Variants in TENM2 observed in about 807,000 individuals in gnomAD.
The protein encoded by TENM2 is teneurin transmembrane protein 2, also known as teneurin-2.
A neutral mutation model predicts 245.2 loss-of-function variants in TENM2; 52 were observed. The ratio of observed to expected loss-of-function variants is 0.21; its 90% CI spans 0.17 to 0.27. The LOEUF (loss-of-function observed/expected upper bound fraction) is 0.27, where lower values mean the gene tolerates loss of function less well. Among genes scored for constraint, TENM2 ranks in the 10% least tolerant of loss-of-function variants. TENM2 has a pLI of 1.00. For synonymous variants in TENM2, 1,363 were observed against 1,438.9 expected (o/e 0.95, Z 1.19); for missense variants, 3,046 against 3,666.8 (o/e 0.83, Z 4.37).
the TENM2 span, among the ~76,000 whole-genome samples, chr5:167,244,895 G>A: frequency 6.6e-6 from 1 of 151,768 alleles, no homozygotes; most frequent in African/African-American, 2.4e-5. Flanking sequence ...AGTTTTATGA[G>A]AGCAAAAGTA....
chr5:167,112,775 T>C, the TENM2 span, among the ~76,000 whole-genome samples: 1 of 152,320 alleles, frequency 6.6e-6, no homozygotes, highest in East Asian at 1.9e-4. Flanking sequence ...ATCATGCTGC[T>C]CTTCTGAAAT....
intron 4 of TENM2, among the ~76,000 whole-genome samples, chr5:167,976,253 G>T (rs1300782532): frequency 6.6e-6 from 1 of 151,946 alleles, no homozygotes; most frequent in East Asian, 1.9e-4. Context: ...TGGGCCTTAG[G>T]ATACTGATCT....
intron 2 of TENM2, among the ~76,000 whole-genome samples, chr5:167,642,905 G>A (rs1465061894): frequency 6.6e-6 from 1 of 152,158 alleles, no homozygotes; most frequent in Non-Finnish European, 1.5e-5. Context: ...TTCTTTGGAC[G>A]AGGGTGTTGG....
At chr5:168,113,115 G>C (rs914564289) in intron 9 of TENM2, among the ~76,000 whole-genome samples, 9 of 152,208 alleles carry the variant, frequency 5.9e-5, no homozygotes, top group Non-Finnish European at 7.4e-5. Context: ...TGAGGACTTC[G>C]AGTCCAGACA....
chr5:167,325,150 A>C (rs1386584476), intron 1 of TENM2, among the ~76,000 whole-genome samples: 1 of 152,234 alleles, frequency 6.6e-6, no homozygotes, highest in Non-Finnish European at 1.5e-5. Flanking sequence ...TAAACCAATA[A>C]AATGAAATAA....
the TENM2 span, among the ~76,000 whole-genome samples, chr5:167,124,090 G>A: frequency 3.9e-5 from 6 of 152,314 alleles, no homozygotes; most frequent in Admixed American, 2.0e-4. Context: ...CTGTCATTGC[G>A]TTCAAGTGAG....
chr5:168,108,274 A>G (rs1794409655), intron 9 of TENM2, among the ~76,000 whole-genome samples: 1 of 152,244 alleles, frequency 6.6e-6, no homozygotes, highest in Non-Finnish European at 1.5e-5. Flanking sequence ...TTATTCCACA[A>G]TTTACGTGCA....
chr5:168,169,922 T>G (rs1237897466), intron 13 of TENM2, among the ~76,000 whole-genome samples: 1 of 152,186 alleles, frequency 6.6e-6, no homozygotes, highest in African/African-American at 2.4e-5. Flanking sequence ...AGTCCCTGAT[T>G]AGCTCCCAGA....
chr5:167,752,271 T>A (rs1388171227), intron 2 of TENM2, among the ~76,000 whole-genome samples: 1 of 149,216 alleles, frequency 6.7e-6, no homozygotes, highest in Non-Finnish European at 1.5e-5. Flanking sequence ...ATTTTTTTTT[T>A]TTTTTTTTTT....
chr5:167,303,537 G>A (rs1444672540), intron 1 of TENM2, among the ~76,000 whole-genome samples: 2 of 152,080 alleles, frequency 1.3e-5, no homozygotes, highest in Non-Finnish European at 2.9e-5. Context: ...ACAAGATAAT[G>A]TCATCAGTTA....
chr5:167,521,949 A>T (rs542188210), intron 2 of TENM2, among the ~76,000 whole-genome samples: 2 of 152,124 alleles, frequency 1.3e-5, no homozygotes, highest in African/African-American at 4.8e-5. Context: ...GTATCCTTTG[A>T]GTGCTGAACT....
chr5:167,923,894 G>A (rs181140721), intron 3 of TENM2, among the ~76,000 whole-genome samples: 59 of 152,112 alleles, frequency 3.9e-4, no homozygotes, highest in Admixed American at 3.9e-4. Flanking sequence ...GTGCATGTGC[G>A]TTGAAATAAA....
At chr5:167,297,856 C>T (rs1276898567) in intron 1 of TENM2, among the ~76,000 whole-genome samples, 2 of 151,872 alleles carry the variant, frequency 1.3e-5, no homozygotes, top group African/African-American at 4.8e-5. Flanking sequence ...AGTAGGGGAG[C>T]TTTTGAGCCA....
At chr5:168,035,301 AGCCTGGCCAACAT>A (rs1342187892) in intron 5 of TENM2, among the ~76,000 whole-genome samples, 1 of 152,190 alleles carries the variant, frequency 6.6e-6, no homozygotes, top group East Asian at 1.9e-4. Context: ...GTTTGAGACC[AGCCTGGCCAACAT>A]GGCGAAACCC....
chr5:167,973,161 TTAAC>T (rs1781923403), intron 4 of TENM2, among the ~76,000 whole-genome samples: 1 of 152,240 alleles, frequency 6.6e-6, no homozygotes, highest in Non-Finnish European at 1.5e-5. Flanking sequence ...GTATGATTGT[TTAAC>T]TATTACAGAA....
chr5:167,743,770 C>A (rs114235559), intron 2 of TENM2, among the ~76,000 whole-genome samples: 95 of 152,186 alleles, frequency 6.2e-4, no homozygotes, highest in Non-Finnish European at 8.4e-4. Flanking sequence ...AATAGAGAAA[C>A]CTTTGCTATT....
chr5:168,191,622 T>C (rs958751237), intron 14 of TENM2, among the ~76,000 whole-genome samples: 3 of 152,072 alleles, frequency 2.0e-5, no homozygotes, highest in Admixed American at 2.0e-4. Context: ...ACGACCCCCA[T>C]TGTGCCATCT....
intron 2 of TENM2, among the ~76,000 whole-genome samples, chr5:167,405,116 C>A (rs1377544555): frequency 6.6e-6 from 1 of 152,096 alleles, no homozygotes; most frequent in Non-Finnish European, 1.5e-5. Flanking sequence ...TGTGTCAGTT[C>A]TTTATTCCTT....
intron 4 of TENM2, among the ~76,000 whole-genome samples, chr5:167,988,140 T>C (rs1269405495): frequency 6.6e-6 from 1 of 152,182 alleles, no homozygotes; most frequent in Admixed American, 6.5e-5. Context: ...CTTGCCTGCA[T>C]GTACATATGC....
Sources: allele counts gnomAD v4.1 joint callset (sites outside exome capture counted in the v4.1 genomes callset), GRCh38; gene constraint gnomAD v4.1.1; transcripts MANE v1.5; gene names NCBI Gene and HGNC (gene_info 2026-07-23, HGNC 2026-07-21).